Variants in HMGXB3 observed in about 807,000 individuals in gnomAD.
HMGXB3 encodes the protein HMG-box containing 3.
HMGXB3 carries 45 observed loss-of-function variants against 121.5 expected under a neutral mutation model. The ratio of observed to expected loss-of-function variants is 0.37; its 90% CI spans 0.29 to 0.47. The LOEUF (loss-of-function observed/expected upper bound fraction) is 0.47, where lower values mean the gene tolerates loss of function less well. Ranked by LOEUF, HMGXB3 falls within the 20% of genes least tolerant of loss-of-function variation. HMGXB3 has a pLI of 0.99. For missense variants in HMGXB3, 1,376 were observed against 1,602.2 expected (o/e 0.86, Z 2.41); for synonymous variants, 590 against 624.1 (o/e 0.95, Z 0.81).
intron 2 of HMGXB3, among the ~76,000 whole-genome samples, chr5:150,005,828 G>A (rs373665267): frequency 6.6e-6 from 1 of 152,156 alleles, no homozygotes; most frequent in Non-Finnish European, 1.5e-5. Context: ...CTGCGTAGAG[G>A]AGCACGGAGT....
intron 19 of HMGXB3, among the ~76,000 whole-genome samples, chr5:150,051,123 T>C (rs1388868283): frequency 1.3e-5 from 2 of 152,330 alleles, no homozygotes; most frequent in East Asian, 1.9e-4. Flanking sequence ...AAATGGACTT[T>C]TCCGGGTCCC....
chr5:150,025,175 C>T (rs757961942), intron 7 of HMGXB3, among the ~76,000 whole-genome samples: 1 of 152,216 alleles, frequency 6.6e-6, no homozygotes, highest in African/African-American at 2.4e-5. Context: ...CTTATCCTCA[C>T]AGGCTGACTG....
intron 9 of HMGXB3, among the ~76,000 whole-genome samples, chr5:150,028,565 T>TATTTA (rs1561870052): frequency 1.4e-4 from 14 of 100,622 alleles, no homozygotes; most frequent in African/African-American, 8.9e-4. Context: ...ATATATTTTT[T>TATTTA]TTTTTTTTTT....
In HMGXB3 at chr5:150,051,991, T is replaced by G. The variant is rs368667104; in HGVS notation, c.3678T>G (p.Thr1226=). The G allele has an allele frequency of 3.9e-6, 6 of 1,552,018 alleles. No homozygotes were observed. In the African/African-American group the frequency reaches 8.2e-5, roughly 21 times the overall value. ...RQRPIAFDNA[T]HYYLYNRLMD... ...GGCCCATTGCCTTCGACAATGCCAC[T>G]CACTATTACCTCTACAACCGCCTCA... Residue 1226 remains threonine, a synonymous_variant, in exon 20 of 20, where the codon ACT becomes ACG. Coordinates refer to ENST00000502717, the MANE Select transcript of HMGXB3 (RefSeq NM_014983.3).
intron 13 of HMGXB3, among the ~76,000 whole-genome samples, chr5:150,039,464 T>C (rs1756575011): frequency 6.6e-6 from 1 of 152,294 alleles, no homozygotes; most frequent in Non-Finnish European, 1.5e-5. Flanking sequence ...ACTTTGTTTT[T>C]GTAAATATTA....
At position 150,041,835 on chromosome 5, in the gene HMGXB3, A is replaced by C; in HGVS notation, c.2596A>C (p.Asn866His). 6.4e-7 allele frequency: 1 copy of C among 1,551,688 alleles called. No homozygotes were observed. The highest frequency in any genetic ancestry group is 2.0e-5 in the Admixed American group (1 of 51,006). The change falls in exon 15 of 20, where the codon AAT (asparagine) becomes CAT (histidine). Residue 866 changes from asparagine (N) to histidine (H), a missense_variant. Around this residue, in one of 2 missense-constraint regions of HMGXB3, gnomAD observed 1,116 missense variants for 1,369.0 expected, o/e 0.82. Transcript: ENST00000502717. ...ELSQLQELLC[N>H]GYWAFECLTV... is the part of the protein sequence containing the mutation. ...GAGCCAGCTGCAGGAGCTGCTGTGC[A>C]ATGGCTATTGGGCCTTTGAGTGCCT...
At chr5:150,030,029 C>T (rs1479215731) in intron 9 of HMGXB3, among the ~76,000 whole-genome samples, 1 of 152,222 alleles carries the variant, frequency 6.6e-6, no homozygotes, top group Non-Finnish European at 1.5e-5. Flanking sequence ...TTAAAAGCCA[C>T]AAGCTCTTTT....
chr5:150,032,429 T>A (rs1166363999), intron 10 of HMGXB3, 25 bp from the exon 11 acceptor site: 1 of 1,548,238 alleles, frequency 6.5e-7, no homozygotes, highest in Non-Finnish European at 8.7e-7. Flanking sequence ...TTTTGTAGAA[T>A]TGAACACTGG....
intron 9 of HMGXB3, among the ~76,000 whole-genome samples, chr5:150,028,413 T>TAC (rs1329711346): frequency 6.8e-6 from 1 of 146,720 alleles, no homozygotes; most frequent in Non-Finnish European, 1.5e-5. Context: ...CGATTTTATA[T>TAC]ATATATATAT....
intron 5 of HMGXB3, among the ~76,000 whole-genome samples, chr5:150,015,739 T>A (rs1416537208): frequency 1.3e-5 from 2 of 152,256 alleles, no homozygotes; most frequent in Non-Finnish European, 2.9e-5. Flanking sequence ...ATGAGATACT[T>A]AGAAGCGTAT....
chr5:150,007,835 A>G (rs1755735297), intron 3 of HMGXB3, among the ~76,000 whole-genome samples: 1 of 152,138 alleles, frequency 6.6e-6, no homozygotes, highest in Non-Finnish European at 1.5e-5. Flanking sequence ...TGGGAGGATC[A>G]CTTGAGCCCA....
At chr5:150,048,744 A>G in intron 18 of HMGXB3, 59 bp downstream of exon 18, 1 of 1,223,074 alleles carries the variant, frequency 8.2e-7, no homozygotes, top group South Asian at 1.3e-5. Flanking sequence ...CTTCCCATAC[A>G]GGGACTGATC....
At chr5:150,047,875 C>A in intron 17 of HMGXB3, 118 bp downstream of exon 17, 1 of 1,151,026 alleles carries the variant, frequency 8.7e-7, no homozygotes, top group Non-Finnish European at 1.2e-6. Flanking sequence ...AAGGTGCTGG[C>A]AGTCAGGGAT....
rs1288045510 is a variant in HMGXB3, at chr5:150,027,150, G to A, written c.1734+33G>A. Reference sequence around the variant, plus strand: ...CCATTTTCCAGAGTGGGAGCTGTTTGAGGGTCTGGCTGCTTCCATGTAATG... The same window carrying A: ...CCATTTTCCAGAGTGGGAGCTGTTTAAGGGTCTGGCTGCTTCCATGTAATG... On this transcript the variant is annotated intron_variant, in intron 9 of 19. Coordinates refer to ENST00000502717, the MANE Select transcript of HMGXB3 (RefSeq NM_014983.3). 2.0e-6 allele frequency: 3 copies of A among 1,524,880 alleles called. No individual in the cohort carries two copies. The Admixed American group carries it at 6.0e-5, about 30-fold the overall frequency. 94.5% of individuals were successfully genotyped at this position (1,524,880 alleles called of 1,614,324 possible).
Position 150,044,447 on chromosome 5 carries a change from GGT to G in HMGXB3, c.2731-1017_2731-1016del, listed in dbSNP as rs373190158. Among the ~76,000 whole-genome samples the G allele has an allele frequency of 5.9e-3, 898 of 152,290 alleles. 10 individuals carry two copies. The highest frequency in any genetic ancestry group is 0.021 in the African/African-American group (858 of 41,554). On this transcript the variant is annotated intron_variant, in intron 15 of 19. Coordinates refer to ENST00000502717, the MANE Select transcript of HMGXB3 (RefSeq NM_014983.3). ...TGAGGTGGCAAACAAAGAGGAATAA[GGT>G]GAGGAGAGGAGCCTTTATGGGGAGC...
intron 11 of HMGXB3, among the ~76,000 whole-genome samples, chr5:150,033,865 G>A (rs1057376007): frequency 1.3e-5 from 2 of 152,124 alleles, no homozygotes; most frequent in Non-Finnish European, 2.9e-5. Context: ...CGTGCTTGAG[G>A]TGATGTTCTG....
chr5:150,009,081 C>G (rs1013837844), intron 3 of HMGXB3, among the ~76,000 whole-genome samples: 2 of 151,988 alleles, frequency 1.3e-5, no homozygotes, highest in African/African-American at 4.8e-5. Context: ...TTTAACTGTT[C>G]ACTTTGAACT....
rs1756917270 is a variant in HMGXB3 at position 150,051,967 on chromosome 5, G to T, written c.3654G>T (p.Arg1218=). The part of the protein sequence containing the change: ...VDSKPNGVRQ[R]PIAFDNATHY... ...GCAAACCAAACGGTGTCCGCCAGCGGCCCATTGCCTTCGACAATGCCACTC... is the reference window on the plus strand; with the variant it reads ...GCAAACCAAACGGTGTCCGCCAGCGTCCCATTGCCTTCGACAATGCCACTC... The change falls in exon 20 of 20, where the codon CGG becomes CGT. Residue 1218 remains arginine, a synonymous_variant. Coordinates refer to ENST00000502717, the MANE Select transcript of HMGXB3 (RefSeq NM_014983.3). The T allele has an allele frequency of 6.4e-7, 1 of 1,552,150 alleles. No homozygotes were observed. The highest frequency in any genetic ancestry group is 8.7e-7 in the Non-Finnish European group (1 of 1,147,132).
At chr5:150,039,924 TTTTA>T (rs1361567644) in intron 13 of HMGXB3, among the ~76,000 whole-genome samples, 2 of 152,244 alleles carry the variant, frequency 1.3e-5, no homozygotes, top group East Asian at 3.8e-4. Context: ...AATCACCCAC[TTTTA>T]TTTGTCTTAA....
Sources: gnomAD v4.1 joint callset for allele counts (sites outside exome capture counted in the v4.1 genomes callset) on GRCh38, gnomAD v4.1.1 for gene constraint, gnomAD v4.1.1 regional missense constraint, MANE v1.5 for transcripts, NCBI Gene and HGNC (gene_info 2026-07-23, HGNC 2026-07-21) for gene names.